SLC9A9: variants seen among roughly 807,000 people sequenced by gnomAD.
The protein encoded by SLC9A9 is solute carrier family 9 member A9.
In SLC9A9, 62 loss-of-function variants were observed where a neutral mutation model predicts 77.8. The ratio of observed to expected loss-of-function variants is 0.80; its 90% CI spans 0.65 to 0.98. The LOEUF (loss-of-function observed/expected upper bound fraction) is 0.98, where lower values mean the gene tolerates loss of function less well. Among genes scored for constraint, SLC9A9 ranks in the 50% least tolerant of loss-of-function variants. SLC9A9 has a pLI of 0.00. For synonymous variants in SLC9A9, 320 were observed against 283.5 expected (o/e 1.13, Z -1.29); for missense variants, 775 against 774.9 (o/e 1.00, Z 0.00).
At chr3:143,473,200 C>T (rs531450416) in intron 11 of SLC9A9, among the ~76,000 whole-genome samples, 3 of 152,304 alleles carry the variant, frequency 2.0e-5, no homozygotes, top group African/African-American at 7.2e-5. Context: ...GTGCCCCGAA[C>T]CACTCTCTGG....
intron 11 of SLC9A9, among the ~76,000 whole-genome samples, chr3:143,472,311 A>G (rs182459801): frequency 6.6e-6 from 1 of 152,324 alleles, no homozygotes; most frequent in East Asian, 1.9e-4. Flanking sequence ...GAGGAAAAAG[A>G]TTGCTATACC....
intron 12 of SLC9A9, among the ~76,000 whole-genome samples, chr3:143,415,126 G>A (rs182920235): frequency 2.6e-5 from 4 of 152,332 alleles, no homozygotes; most frequent in East Asian, 3.9e-4. Context: ...GAGGGGTGAG[G>A]AAACTGCAGA....
At chr3:143,502,040 A>C (rs2035931847) in intron 9 of SLC9A9, among the ~76,000 whole-genome samples, 1 of 151,116 alleles carries the variant, frequency 6.6e-6, no homozygotes, top group Non-Finnish European at 1.5e-5. Flanking sequence ...CAATAATAAT[A>C]ATCACAATAA....
intron 12 of SLC9A9, among the ~76,000 whole-genome samples, chr3:143,387,206 AGAAGGTGTCT>A (rs2033448136): frequency 6.6e-6 from 1 of 152,180 alleles, no homozygotes; most frequent in Admixed American, 6.5e-5. Context: ...AAGAAGGAAA[AGAAGGTGTCT>A]GAAGAGCAAG....
chr3:143,600,211 G>T (rs189564916), intron 6 of SLC9A9, among the ~76,000 whole-genome samples: 1 of 152,246 alleles, frequency 6.6e-6, no homozygotes, highest in East Asian at 1.9e-4. Context: ...CCCGGTGTGT[G>T]ATGTTCCCCT....
At chr3:143,591,056 A>C (rs2108678134) in intron 6 of SLC9A9, among the ~76,000 whole-genome samples, 1 of 152,090 alleles carries the variant, frequency 6.6e-6, no homozygotes, top group East Asian at 1.9e-4. Context: ...CATTAGATAA[A>C]CCCCACTCCC....
At chr3:143,423,248 T>TACACACACAG (rs2034340160) in intron 12 of SLC9A9, among the ~76,000 whole-genome samples, 1 of 143,738 alleles carries the variant, frequency 7.0e-6, no homozygotes, top group Non-Finnish European at 1.5e-5. Flanking sequence ...CACGCGCGTG[T>TACACACACAG]ACACACACAC....
At chr3:143,671,866 G>A (rs576688185) in intron 5 of SLC9A9, among the ~76,000 whole-genome samples, 1 of 152,306 alleles carries the variant, frequency 6.6e-6, no homozygotes, top group East Asian at 1.9e-4. Context: ...CCTCTGAGGT[G>A]TAATTTCTCC....
intron 2 of SLC9A9, among the ~76,000 whole-genome samples, chr3:143,829,982 T>G (rs1177727744): frequency 1.3e-5 from 2 of 152,194 alleles, no homozygotes; most frequent in South Asian, 4.1e-4. Flanking sequence ...GGAAGATCTA[T>G]CTAATCCTAA....
At chr3:143,701,911 C>A (rs543870082) in intron 4 of SLC9A9, among the ~76,000 whole-genome samples, 313 of 152,194 alleles carry the variant, frequency 2.1e-3, no homozygotes, top group African/African-American at 7.2e-3. Flanking sequence ...ACCCTAAAAG[C>A]AGCAAGAGAA....
chr3:143,546,356 T>C (rs2036788935), intron 9 of SLC9A9, among the ~76,000 whole-genome samples: 2 of 152,246 alleles, frequency 1.3e-5, no homozygotes, highest in African/African-American at 4.8e-5. Context: ...GAAGATGTCA[T>C]TGTTTGCCCA....
intron 14 of SLC9A9, among the ~76,000 whole-genome samples, chr3:143,359,602 G>T (rs1169473562): frequency 6.6e-6 from 1 of 152,124 alleles, no homozygotes; most frequent in African/African-American, 2.4e-5. Flanking sequence ...TGAGCCGAGG[G>T]GAAAGAGTAG....
At chr3:143,341,668 A>G (rs2032102551) in intron 14 of SLC9A9, among the ~76,000 whole-genome samples, 1 of 152,210 alleles carries the variant, frequency 6.6e-6, no homozygotes, top group Admixed American at 6.5e-5. Context: ...ATAAATTAAA[A>G]TTTTGTTTAC....
chr3:143,744,007 T>C (rs373576834), intron 4 of SLC9A9, among the ~76,000 whole-genome samples: 2 of 152,196 alleles, frequency 1.3e-5, no homozygotes, highest in African/African-American at 4.8e-5. Context: ...CTTCTGCTTT[T>C]ATGATTCTAT....
At chr3:143,684,267 TTGA>T (rs1171993638) in intron 5 of SLC9A9, among the ~76,000 whole-genome samples, 6 of 152,180 alleles carry the variant, frequency 3.9e-5, no homozygotes, top group Non-Finnish European at 7.4e-5. Flanking sequence ...TTATCTAGTG[TTGA>T]TGATGATACA....
chr3:143,541,253 C>T (rs1185634740), intron 9 of SLC9A9, among the ~76,000 whole-genome samples: 1 of 152,124 alleles, frequency 6.6e-6, no homozygotes, highest in Non-Finnish European at 1.5e-5. Context: ...TTGCTCTGGG[C>T]AAAGTAAGCT....
At chr3:143,372,267 CA>C (rs1236482588) in intron 13 of SLC9A9, among the ~76,000 whole-genome samples, 1 of 152,068 alleles carries the variant, frequency 6.6e-6, no homozygotes, top group African/African-American at 2.4e-5. Flanking sequence ...CAATCCTAAG[CA>C]AAAAGAACAA....
chr3:143,351,786 G>A (rs1224810859), intron 14 of SLC9A9, among the ~76,000 whole-genome samples: 1 of 152,104 alleles, frequency 6.6e-6, no homozygotes, highest in African/African-American at 2.4e-5. Context: ...AGGCCTTCAG[G>A]TCTATAAAGC....
intron 11 of SLC9A9, 119 bp from the exon 12 acceptor site, chr3:143,467,309 T>C: frequency 2.7e-6 from 3 of 1,125,544 alleles, no homozygotes; most frequent in Non-Finnish European, 3.9e-6. Flanking sequence ...TATTTTGAGA[T>C]AATTATAGAT....
Sources: gnomAD v4.1 joint callset for allele counts (sites outside exome capture counted in the v4.1 genomes callset) on GRCh38, gnomAD v4.1.1 for gene constraint, MANE v1.5 for transcripts, NCBI Gene and HGNC (gene_info 2026-07-23, HGNC 2026-07-21) for gene names.